GALNT13: variants seen among roughly 807,000 people sequenced by gnomAD.
GALNT13 encodes the protein polypeptide N-acetylgalactosaminyltransferase 13, also known as UDP-GalNAc:polypeptide N-acetylgalactosaminyltransferase 13.
GALNT13 carries 28 observed loss-of-function variants against 64.2 expected under a neutral mutation model. The ratio of observed to expected loss-of-function variants is 0.44; its 90% CI spans 0.32 to 0.60. The LOEUF is 0.60. Ranked by LOEUF, GALNT13 falls within the 20% of genes least tolerant of loss-of-function variation. GALNT13 has a pLI of 0.05. For missense variants in GALNT13, 577 were observed against 669.8 expected, an observed-to-expected ratio of 0.86 and a Z score of 1.53; for synonymous variants, 214 against 224.6, an observed-to-expected ratio of 0.95 and a Z score of 0.42.
chr2:153,857,677 C>CT, the GALNT13 span, among the ~76,000 whole-genome samples: 1 of 152,096 alleles, frequency 6.6e-6, no homozygotes, highest in Non-Finnish European at 1.5e-5. Flanking sequence ...TTTTTTAAAA[C>CT]TTTTTCTTGA....
the GALNT13 span, among the ~76,000 whole-genome samples, chr2:153,763,214 C>T: frequency 1.3e-5 from 2 of 151,988 alleles, no homozygotes; most frequent in Admixed American, 1.3e-4. Flanking sequence ...TTTCTTCTAC[C>T]ATGAATTTTT....
the GALNT13 span, among the ~76,000 whole-genome samples, chr2:153,359,432 A>C: frequency 6.6e-6 from 1 of 152,060 alleles, no homozygotes; most frequent in Admixed American, 6.5e-5. Flanking sequence ...ATTTTTATTA[A>C]AGTGAAATAT....
the GALNT13 span, among the ~76,000 whole-genome samples, chr2:153,156,866 G>A: frequency 6.6e-6 from 1 of 152,142 alleles, no homozygotes; most frequent in Non-Finnish European, 1.5e-5. Context: ...AGTAAAAGTT[G>A]TGCCACGCTG....
intron 4 of GALNT13, among the ~76,000 whole-genome samples, chr2:154,210,933 A>G (rs1403589346): frequency 6.6e-6 from 1 of 152,162 alleles, no homozygotes; most frequent in East Asian, 1.9e-4. Context: ...AGCTTAAATA[A>G]TTTAATGAAT....
chr2:153,266,512 G>C, the GALNT13 span, among the ~76,000 whole-genome samples: 1 of 152,116 alleles, frequency 6.6e-6, no homozygotes, highest in Non-Finnish European at 1.5e-5. Flanking sequence ...AGAGGCCTCA[G>C]AAAACTTACA....
chr2:153,401,323 G>T, the GALNT13 span, among the ~76,000 whole-genome samples: 10 of 151,698 alleles, frequency 6.6e-5, no homozygotes, highest in African/African-American at 2.2e-4. Context: ...TTTTACATTT[G>T]CTGAGGAGAG....
chr2:153,277,995 C>T, the GALNT13 span, among the ~76,000 whole-genome samples: 1 of 128,410 alleles, frequency 7.8e-6, no homozygotes, highest in African/African-American at 3.0e-5. Context: ...GTAGCGATCT[C>T]GGCTCACTGC....
intron 9 of GALNT13, among the ~76,000 whole-genome samples, chr2:154,356,364 G>C (rs2105271972): frequency 6.6e-6 from 1 of 152,024 alleles, no homozygotes; most frequent in Middle Eastern, 3.4e-3. Context: ...TGTTCAATTT[G>C]CTCAGATTGG....
chr2:153,929,537 T>A (rs1408848983), intron 2 of GALNT13, among the ~76,000 whole-genome samples: 2 of 152,094 alleles, frequency 1.3e-5, no homozygotes, highest in Non-Finnish European at 2.9e-5. Context: ...GTCTGTTTTT[T>A]CTTCTTTATG....
At chr2:153,848,471 C>G in the GALNT13 span, among the ~76,000 whole-genome samples, 1 of 148,548 alleles carries the variant, frequency 6.7e-6, no homozygotes, top group Non-Finnish European at 1.5e-5. Context: ...AAGTAGAAAG[C>G]AGAAAATAAT....
the GALNT13 span, among the ~76,000 whole-genome samples, chr2:153,525,479 C>T: frequency 1.2e-3 from 181 of 152,264 alleles, no homozygotes; most frequent in African/African-American, 3.7e-3. Flanking sequence ...AACCAGGCCA[C>T]GCAACAGGAG....
chr2:154,150,346 A>G (rs1162419289), intron 4 of GALNT13, among the ~76,000 whole-genome samples: 2 of 151,338 alleles, frequency 1.3e-5, no homozygotes, highest in Admixed American at 6.6e-5. Context: ...TTTATTGAGG[A>G]TTTTTGCTTC....
At chr2:153,481,900 T>A in the GALNT13 span, among the ~76,000 whole-genome samples, 2 of 152,216 alleles carry the variant, frequency 1.3e-5, no homozygotes, top group African/African-American at 4.8e-5. Context: ...ATTGAAAGGA[T>A]ATTTATTGCT....
chr2:153,864,191 G>A, the GALNT13 span, among the ~76,000 whole-genome samples: 1 of 152,096 alleles, frequency 6.6e-6, no homozygotes, highest in Non-Finnish European at 1.5e-5. Flanking sequence ...CACAAATTTT[G>A]TTGGCAGTGA....
At chr2:153,625,012 T>C in the GALNT13 span, among the ~76,000 whole-genome samples, 2 of 152,068 alleles carry the variant, frequency 1.3e-5, no homozygotes, top group Admixed American at 1.3e-4. Flanking sequence ...AGAATAGAAT[T>C]GATGTATTTG....
intron 8 of GALNT13, 29 bp downstream of exon 8, chr2:154,259,167 G>A: frequency 8.1e-7 from 1 of 1,227,016 alleles, no homozygotes; most frequent in South Asian, 1.2e-5. Context: ...ATTTTTTGAT[G>A]CTGAACATAC....
At chr2:153,470,329 T>C in the GALNT13 span, among the ~76,000 whole-genome samples, 412 of 152,198 alleles carry the variant, frequency 2.7e-3, 18 homozygotes, top group East Asian at 0.073. Context: ...TCCTCCCCCA[T>C]GTTCTCTCTC....
chr2:154,030,719 A>G (rs1264304260), intron 3 of GALNT13, among the ~76,000 whole-genome samples: 1 of 152,004 alleles, frequency 6.6e-6, no homozygotes, highest in African/African-American at 2.4e-5. Flanking sequence ...TTCTCATGAC[A>G]TCTGGCTTTT....
At chr2:153,647,040 C>A in the GALNT13 span, among the ~76,000 whole-genome samples, 2 of 152,200 alleles carry the variant, frequency 1.3e-5, no homozygotes, top group African/African-American at 4.8e-5. Flanking sequence ...AATCGCCACA[C>A]TGACTTCCAC....
Sources: allele counts gnomAD v4.1 joint callset (sites outside exome capture counted in the v4.1 genomes callset), GRCh38; gene constraint gnomAD v4.1.1; transcripts MANE v1.5; gene names NCBI Gene and HGNC (gene_info 2026-07-23, HGNC 2026-07-21).